ODAD4: variants seen among roughly 807,000 people sequenced by gnomAD.
ODAD4 encodes the protein outer dynein arm-docking complex subunit 4.
In ODAD4, 49 loss-of-function variants were observed where a neutral mutation model predicts 51.8. The ratio of observed to expected loss-of-function variants is 0.95; its 90% CI spans 0.75 to 1.20. The LOEUF (loss-of-function observed/expected upper bound fraction) is 1.20, where lower values mean the gene tolerates loss of function less well. Ranked by LOEUF, ODAD4 falls within the 50% of genes most tolerant of loss-of-function variation. ODAD4 has a pLI of 0.00. For synonymous variants in ODAD4, 235 were observed against 221.3 expected, an observed-to-expected ratio of 1.06 and a Z score of -0.55; for missense variants, 590 against 586.5, an observed-to-expected ratio of 1.01 and a Z score of -0.06.
chr17:41,958,907 G>A (rs187653673), intron 10 of ODAD4, among the ~76,000 whole-genome samples: 1 of 151,904 alleles, frequency 6.6e-6, no homozygotes, highest in East Asian at 1.9e-4. Flanking sequence ...CCAGCTACTC[G>A]GGAGGCTGAA....
At chr17:41,957,267 T>A (rs191081288) in intron 10 of ODAD4, among the ~76,000 whole-genome samples, 2 of 152,270 alleles carry the variant, frequency 1.3e-5, no homozygotes, top group African/African-American at 4.8e-5. Flanking sequence ...AGACAGTTTT[T>A]CCATGGACCG....
chr17:41,950,033 G>A (rs2050633080), intron 9 of ODAD4, among the ~76,000 whole-genome samples: 1 of 151,634 alleles, frequency 6.6e-6, no homozygotes, highest in Non-Finnish European at 1.5e-5. Flanking sequence ...GCAGGGGCAC[G>A]ATCTCAGCTC....
intron 8 of ODAD4, 134 bp from the exon 9 acceptor site, chr17:41,949,019 C>A (rs2144517864): frequency 2.5e-6 from 1 of 396,708 alleles, no homozygotes; most frequent in Admixed American, 4.4e-5. Context: ...CTTATGAACT[C>A]CACCCTTGTA....
At chr17:41,944,391 T>TACACACACACACAC (rs1158342629) in intron 7 of ODAD4, among the ~76,000 whole-genome samples, 32 of 78,738 alleles carry the variant, frequency 4.1e-4, no homozygotes, top group African/African-American at 4.6e-4. Flanking sequence ...CAAACACACA[T>TACACACACACACAC]ACACACACAC....
intron 11 of ODAD4, among the ~76,000 whole-genome samples, chr17:41,963,600 T>C (rs527609528): frequency 2.8e-4 from 43 of 152,206 alleles, no homozygotes; most frequent in Non-Finnish European, 5.4e-4. Flanking sequence ...CTGTCTCACT[T>C]GCACACTTGC....
At chr17:41,937,367 T>C (rs2050443532) in intron 5 of ODAD4, among the ~76,000 whole-genome samples, 1 of 152,228 alleles carries the variant, frequency 6.6e-6, no homozygotes, top group African/African-American at 2.4e-5. Context: ...GTTCTCCTTT[T>C]GTAGATAAGG....
chr17:41,940,612 G>T (rs2050492193), intron 7 of ODAD4, among the ~76,000 whole-genome samples: 1 of 152,134 alleles, frequency 6.6e-6, no homozygotes, highest in Non-Finnish European at 1.5e-5. Flanking sequence ...CTTCTAACTG[G>T]CTCTGCCACT....
intron 8 of ODAD4, among the ~76,000 whole-genome samples, 189 bp from the exon 9 acceptor site, chr17:41,948,964 T>C (rs2050621464): frequency 6.6e-6 from 1 of 152,178 alleles, no homozygotes; most frequent in Non-Finnish European, 1.5e-5. Flanking sequence ...CCACATTCCA[T>C]AGGTGTTACC....
rs2050625468 is a variant in ODAD4 at position 41,949,330 on chromosome 17, TC to T, written c.1324del (p.Leu442TrpfsTer7). On this transcript the variant is annotated frameshift_variant, in exon 9 of 12. Coordinates refer to ENST00000377540, the MANE Select transcript of ODAD4 (RefSeq NM_031421.5). LOFTEE classifies it high-confidence loss of function. ...TTGAGTGGCAACTGAATGCCAGTGT[TC>T]TGGTGGCCCAGGCACAAGGTATGGG... The part of the protein sequence containing the change: ...DIEWQLNASV[L>X]VAQAQVKLRD... 1 of 398,564 alleles carries T rather than the reference TC, an allele frequency of 2.5e-6. No individual in the cohort carries two copies. The highest frequency in any genetic ancestry group is 1.3e-4 in the South Asian group (1 of 7,866). 24.7% of individuals were successfully genotyped at this position (398,564 alleles called of 1,614,324 possible).
At chr17:41,964,250 G>A (rs1158127912) in intron 11 of ODAD4, among the ~76,000 whole-genome samples, 20 of 151,622 alleles carry the variant, frequency 1.3e-4, no homozygotes, top group African/African-American at 1.7e-4. Context: ...TAGTAGAGAC[G>A]GGGTTTCACC....
chr17:41,941,923 A>C (rs2050512796), intron 7 of ODAD4, among the ~76,000 whole-genome samples: 2 of 152,180 alleles, frequency 1.3e-5, no homozygotes, highest in Non-Finnish European at 2.9e-5. Context: ...CACAGTGGGC[A>C]TGTAATGAAT....
Position 41,949,363 on chromosome 17 carries a change from G to T in ODAD4, c.1342+14G>T, listed in dbSNP as rs2050625903. 1 of 398,506 alleles carries T rather than the reference G, an allele frequency of 2.5e-6. No homozygotes were observed. The highest frequency in any genetic ancestry group is 4.4e-6 in the Non-Finnish European group (1 of 226,126). The allele number at this position is 398,506 out of a possible 1,614,324, so 24.7% of individuals were successfully genotyped here. ...CCCAGGCACAAGGTATGGGCTCAGA[G>T]ATGACCACCCTACCTTTTCCAGCCT... On this transcript the variant is annotated intron_variant, in intron 9 of 11. Transcript: ENST00000377540.
rs782127306 is a variant in ODAD4 at position 41,965,137 on chromosome 17, C to T, written c.1673C>T (p.Ala558Val). The change falls in exon 12 of 12, where the codon GCT becomes GTT. Residue 558 changes from alanine (A) to valine (V), a missense_variant. Physicochemically the swap from Ala to Val is moderately conservative, Grantham distance 64. Around this residue, in one of 3 missense-constraint regions of ODAD4, gnomAD observed 226 missense variants for 162.7 expected, o/e 1.39. Transcript: ENST00000377540. ...GAGGACGATGAGGCTTTTGGGGAAG[C>T]TCTGCAGAGCCCAGCAAGCGGAAAG... ...TDEDDEAFGEALQSPASGKQS... is the reference protein window; with the variant it reads ...TDEDDEAFGEVLQSPASGKQS... 1.3e-6 allele frequency: 1 copy of T among 773,368 alleles called. No individual in the cohort carries two copies. Among genetic ancestry groups the T allele is most frequent in the South Asian group, 1.4e-5 (1 of 72,990 alleles). The allele number at this position is 773,368 out of a possible 1,614,324, so 47.9% of individuals were successfully genotyped here. A position where few individuals can be genotyped will look rare whatever the true frequency, so the allele number is the denominator to read the frequency against.
At chr17:41,944,975 G>A (rs1555639286) in intron 7 of ODAD4, among the ~76,000 whole-genome samples, 161 bp from the exon 8 acceptor site, 1 of 152,062 alleles carries the variant, frequency 6.6e-6, no homozygotes, top group Non-Finnish European at 1.5e-5. Context: ...TTGGCCCCAG[G>A]GCACAGATGT....
intron 11 of ODAD4, 75 bp downstream of exon 11, chr17:41,961,541 T>C (rs573975423): frequency 1.4e-6 from 1 of 704,940 alleles, no homozygotes; most frequent in African/African-American, 1.8e-5. Context: ...CCGAGACACA[T>C]GCGACAGCAG....
chr17:41,955,636 G>T (rs554996509), intron 10 of ODAD4, among the ~76,000 whole-genome samples: 35 of 152,200 alleles, frequency 2.3e-4, no homozygotes, highest in African/African-American at 7.9e-4. Flanking sequence ...CTGTTAGCCA[G>T]GATGGTCTCG....
intron 9 of ODAD4, among the ~76,000 whole-genome samples, chr17:41,950,912 G>T (rs1364962081): frequency 2.0e-5 from 3 of 151,192 alleles, no homozygotes; most frequent in Non-Finnish European, 2.9e-5. Flanking sequence ...GTTTCACCAT[G>T]TTGGTCAGGC....
chr17:41,933,208 C>A (rs1555637215), intron 1 of ODAD4, among the ~76,000 whole-genome samples: 1 of 152,080 alleles, frequency 6.6e-6, no homozygotes, highest in East Asian at 1.9e-4. Context: ...CAGTCACTTT[C>A]CAGAAAGACA....
At chr17:41,936,113 G>A (rs997072270) in intron 3 of ODAD4, among the ~76,000 whole-genome samples, 1 of 152,308 alleles carries the variant, frequency 6.6e-6, no homozygotes, top group Non-Finnish European at 1.5e-5. Flanking sequence ...CTCACCAGAC[G>A]CATACCAAGG....
Sources: gnomAD v4.1 joint callset for allele counts (sites outside exome capture counted in the v4.1 genomes callset) on GRCh38, gnomAD v4.1.1 for gene constraint, gnomAD v4.1.1 regional missense constraint, MANE v1.5 for transcripts, NCBI Gene and HGNC (gene_info 2026-07-23, HGNC 2026-07-21) for gene names.